ZFR: variants seen among roughly 807,000 people sequenced by gnomAD.
ZFR encodes zinc finger RNA binding protein, also known as zinc finger RNA-binding protein.
ZFR carries 19 observed loss-of-function variants against 130.7 expected under a neutral mutation model. That is an observed-to-expected ratio of 0.15 (90% confidence interval 0.10 to 0.21). The LOEUF (loss-of-function observed/expected upper bound fraction) is 0.21. Ranked by LOEUF, ZFR falls within the 10% of genes least tolerant of loss-of-function variation. The pLI is 1.00. For missense variants in ZFR, 872 were observed against 1,321.5 expected (o/e 0.66, Z 5.27); for synonymous variants, 466 against 456.9 (o/e 1.02, Z -0.25).
At chr5:32,390,791 G>A (rs1753150687) in intron 11 of ZFR, among the ~76,000 whole-genome samples, 2 of 152,172 alleles carry the variant, frequency 1.3e-5, no homozygotes. Context: ...TCAACATTTG[G>A]GAATTTTCTT....
rs537204926 is a variant in ZFR, at chr5:32,406,656, C to T, written c.1032+118G>A. 2.5e-5 allele frequency: 34 copies of T among 1,338,782 alleles called. No individual in the cohort carries two copies. The African/African-American group carries it at 3.9e-4, about 15-fold the overall frequency. 82.9% of individuals were successfully genotyped at this position (1,338,782 alleles called of 1,614,324 possible). A position where few individuals can be genotyped will look rare whatever the true frequency, so the allele number is the denominator to read the frequency against. On this transcript the variant is annotated intron_variant, in intron 6 of 19. Coordinates refer to ENST00000265069, the MANE Select transcript of ZFR (RefSeq NM_016107.5). ...CACAATACAAGTAACTTAAAAAATG[C>T]ACTGGCTAAAAGCTAACAGGAAAAA...
chr5:32,403,996 A>G lies in ZFR; in HGVS notation c.1134T>C (p.Thr378=). 1 of 1,614,154 alleles carries G rather than the reference A, an allele frequency of 6.2e-7. No individual in the cohort carries two copies. ...TSSSNSSTRG[T]QNQLRCELCD... ...AGAGCTCACAACGTAGCTGATTTTG[A>G]GTCCCACGAGTAGAACTGTTGCTGC... Residue 378 remains threonine (T), a synonymous_variant, in exon 7 of 20, where the codon ACT becomes ACC. Coordinates refer to ENST00000265069, the MANE Select transcript of ZFR (RefSeq NM_016107.5).
intron 14 of ZFR, among the ~76,000 whole-genome samples, chr5:32,385,894 T>TA (rs1753035674): frequency 6.6e-6 from 1 of 151,982 alleles, no homozygotes; most frequent in African/African-American, 2.4e-5. Flanking sequence ...TGTACATAGG[T>TA]CTATCTCTCT....
At chr5:32,435,778 AT>A (rs750211956) in intron 2 of ZFR, among the ~76,000 whole-genome samples, 4 of 152,220 alleles carry the variant, frequency 2.6e-5, no homozygotes, top group African/African-American at 7.2e-5. Context: ...AATTCAAAAA[AT>A]TTATTTTCAT....
intron 6 of ZFR, 95 bp downstream of exon 6, chr5:32,406,679 A>G (rs1753585691): frequency 1.4e-6 from 2 of 1,442,032 alleles, no homozygotes; most frequent in Admixed American, 5.3e-5. Flanking sequence ...CTAACAGGAA[A>G]AAATGTAAAC....
At position 32,404,039 on chromosome 5, in the gene ZFR, G is replaced by A; in HGVS notation, c.1091C>T (p.Ala364Val). 2 of 1,613,552 alleles carry A rather than the reference G, an allele frequency of 1.2e-6. No individual in the cohort carries two copies. Among genetic ancestry groups the A allele is most frequent in the South Asian group, 2.2e-5 (2 of 90,954 alleles). ...KHKKKEAALK[A>V]SQNTSSSNSS... ...GTTGCTGCTGCTGGTATTTTGTGAG[G>A]CTTTCAATGCAGCTTCTTTTTTTTT... is the stretch of plus-strand genomic sequence containing the variant. Residue 364 changes from alanine (A) to valine (V), a missense_variant, in exon 7 of 20, where the codon GCC becomes GTC. By Grantham distance (64) the Ala-to-Val change is moderately conservative. Transcript: ENST00000265069.
At chr5:32,419,261 T>C (rs112729867) in intron 3 of ZFR, among the ~76,000 whole-genome samples, 2,860 of 152,286 alleles carry the variant, frequency 0.019, 90 homozygotes, top group African/African-American at 0.066. Flanking sequence ...TGAAAGTTTT[T>C]AACAGACAGC....
intron 9 of ZFR, among the ~76,000 whole-genome samples, chr5:32,397,765 TAA>T (rs1389347286): frequency 6.8e-6 from 1 of 147,580 alleles, no homozygotes; most frequent in East Asian, 2.2e-4. Context: ...TATTACTTTT[TAA>T]AAGGATAGAA....
chr5:32,434,327 C>G (rs1754286754), intron 2 of ZFR, among the ~76,000 whole-genome samples: 1 of 152,194 alleles, frequency 6.6e-6, no homozygotes, highest in African/African-American at 2.4e-5. Flanking sequence ...TCAACATTAT[C>G]ATTGGTCTAG....
At chr5:32,419,745 G>T in intron 3 of ZFR, 76 bp downstream of exon 3, 1 of 1,497,968 alleles carries the variant, frequency 6.7e-7, no homozygotes, top group South Asian at 1.4e-5. Context: ...GAGAAGCAAT[G>T]GCTAGGGCAT....
chr5:32,374,120 G>A (rs927471690), intron 17 of ZFR, among the ~76,000 whole-genome samples: 1 of 152,216 alleles, frequency 6.6e-6, no homozygotes, highest in African/African-American at 2.4e-5. Flanking sequence ...AACAGAGATA[G>A]CTTCAAGGAC....
intron 11 of ZFR, chr5:32,394,355 CAA>C (rs1292388929): frequency 5.9e-6 from 1 of 169,422 alleles, no homozygotes; most frequent in East Asian, 1.9e-4. Context: ...ATGCCAGACA[CAA>C]AAGACCATAG....
At position 32,444,057 on chromosome 5, in the gene ZFR, A is replaced by AGGCGG. The variant is rs375370062; in HGVS notation, c.137+167_137+171dup. 8.6e-3 allele frequency among the ~76,000 whole-genome samples: 1,193 copies of AGGCGG among 139,402 alleles called. 10 individuals are homozygous for AGGCGG. Among genetic ancestry groups the AGGCGG allele is most frequent in the African/African-American group, 0.027 (994 of 37,088 alleles). The allele number at this position is 139,402 out of a possible 152,430, so 91.5% of individuals were successfully genotyped here. ...GCCGCGGGCCGGGCCGGGCCGGGCA[A>AGGCGG]GGCGGGGCGGGGCGGGGCGGGGCGG... is the stretch of plus-strand genomic sequence containing the variant. On this transcript the variant is annotated intron_variant, in intron 2 of 19. Transcript: ENST00000265069.
At chr5:32,361,833 C>G (rs1206602941) in intron 19 of ZFR, among the ~76,000 whole-genome samples, 1 of 152,034 alleles carries the variant, frequency 6.6e-6, no homozygotes, top group African/African-American at 2.4e-5. Context: ...ACGTTGGTCT[C>G]AAACTCCTGA....
chr5:32,437,229 AATT>A (rs1754358748), intron 2 of ZFR, among the ~76,000 whole-genome samples: 1 of 152,202 alleles, frequency 6.6e-6, no homozygotes. Flanking sequence ...ATTAAAACTT[AATT>A]ATAATGGCAT....
chr5:32,444,256 G>A lies in ZFR; in HGVS notation c.110C>T (p.Ala37Val). 1 of 1,570,072 alleles carries A rather than the reference G, an allele frequency of 6.4e-7. No individual in the cohort carries two copies. Among genetic ancestry groups the A allele is most frequent in the Non-Finnish European group, 8.6e-7 (1 of 1,159,754 alleles). ...ATATTGGGCCGCAGCCGCCGCCGCC[G>A]CCGCCCCGCTGTGGGTGAATCCAAA... is the stretch of plus-strand genomic sequence containing the variant. The part of the protein sequence containing the change: ...NYFGFTHSGA[A>V]AAAAAAQYSQ... The change falls in exon 2 of 20, where the codon GCG becomes GTG. Residue 37 changes from alanine to valine, a missense_variant. This residue lies in a region of ZFR where 240 missense variants were observed against 441.2 expected (regional missense o/e 0.54). Coordinates refer to ENST00000265069, the MANE Select transcript of ZFR (RefSeq NM_016107.5).
At chr5:32,417,552 G>T in intron 4 of ZFR, 96 bp downstream of exon 4, 1 of 1,478,420 alleles carries the variant, frequency 6.8e-7, no homozygotes, top group South Asian at 1.2e-5. Flanking sequence ...GATGTGATAT[G>T]AGTTTAGATG....
chr5:32,399,933 C>T, intron 9 of ZFR, 74 bp downstream of exon 9: 1 of 1,270,724 alleles, frequency 7.9e-7, no homozygotes, highest in Non-Finnish European at 1.1e-6. Context: ...TTTAATTTTA[C>T]ACGTAACATA....
rs758621909 is a variant in ZFR, at chr5:32,355,770, T to G, written c.3215A>C (p.Asp1072Ala). Residue 1072 changes from aspartate to alanine, a missense_variant, in exon 20 of 20, where the codon GAT becomes GCT. This residue lies in a region of ZFR where 158 missense variants were observed against 264.0 expected (regional missense o/e 0.60). Coordinates refer to ENST00000265069, the MANE Select transcript of ZFR (RefSeq NM_016107.5). ...AEGKKDKKDYDNF is the reference protein window; with the variant it reads ...AEGKKDKKDYANF Reference sequence around the variant, plus strand: ...ATTTACAGACACTTTTTAAAAGTTATCATAATCTTTTTTGTCTTTTTTCCC... The same window carrying G: ...ATTTACAGACACTTTTTAAAAGTTAGCATAATCTTTTTTGTCTTTTTTCCC... 1.9e-6 allele frequency: 3 copies of G among 1,585,472 alleles called. No individual in the cohort carries two copies. In the East Asian group the frequency reaches 6.9e-5, roughly 37 times the overall value.
Sources: gnomAD v4.1 joint callset for allele counts (sites outside exome capture counted in the v4.1 genomes callset) on GRCh38, gnomAD v4.1.1 for gene constraint, gnomAD v4.1.1 regional missense constraint, MANE v1.5 for transcripts, NCBI Gene and HGNC (gene_info 2026-07-23, HGNC 2026-07-21) for gene names.